Variants in TUSC3 observed in about 807,000 individuals in gnomAD.
TUSC3 encodes the protein tumor suppressor candidate 3.
In TUSC3, 45 loss-of-function variants were observed where a neutral mutation model predicts 44.8. That is an observed-to-expected ratio of 1.00 (90% confidence interval 0.79 to 1.29). TUSC3 has a LOEUF of 1.29. Among genes scored for constraint, TUSC3 ranks in the 50% most tolerant of loss-of-function variants. The probability of loss-of-function intolerance (pLI) is 0.00; values close to 1 mark genes in which losing one functional copy is unlikely to be tolerated. For missense variants in TUSC3, 519 were observed against 437.9 expected, an observed-to-expected ratio of 1.19 and a Z score of -1.65; for synonymous variants, 212 against 152.9, an observed-to-expected ratio of 1.39 and a Z score of -2.85.
At chr8:15,457,527 G>T (rs13273177) in intron 1 of TUSC3, among the ~76,000 whole-genome samples, 37,763 of 150,702 alleles carry the variant, frequency 0.25, 6,096 homozygotes, top group Non-Finnish European at 0.36. Flanking sequence ...TTTATATACT[G>T]TATGAACCAG....
Position 15,581,517 on chromosome 8 carries a change from T to C in TUSC3, c.138+40949T>C, listed in dbSNP as rs958877597. On this transcript the variant is annotated intron_variant, in intron 1 of 10. Transcript: ENST00000503731. ...TTTTGGTGTGGATGTCCTTTCTGTTTGTTAGTTTTCCTTCTAACAGACAGG... is the reference window on the plus strand; with the variant it reads ...TTTTGGTGTGGATGTCCTTTCTGTTCGTTAGTTTTCCTTCTAACAGACAGG... 4.1e-5 allele frequency among the ~76,000 whole-genome samples: 6 copies of C among 147,758 alleles called. No homozygotes were observed. In the East Asian group the frequency reaches 1.0e-3, roughly 25 times the overall value.
chr8:15,842,752 G>A, the TUSC3 span, among the ~76,000 whole-genome samples: 1 of 152,150 alleles, frequency 6.6e-6, no homozygotes, highest in African/African-American at 2.4e-5. Flanking sequence ...ACGCGAGAAG[G>A]TCCTTTGGTA....
chr8:15,462,043 T>C (rs1467566739), intron 1 of TUSC3, among the ~76,000 whole-genome samples: 1 of 152,090 alleles, frequency 6.6e-6, no homozygotes, highest in African/African-American at 2.4e-5. Flanking sequence ...ATAAGACCCC[T>C]GGATTCTGTG....
At chr8:15,474,968 A>C (rs1461653363) in intron 1 of TUSC3, among the ~76,000 whole-genome samples, 1 of 152,176 alleles carries the variant, frequency 6.6e-6, no homozygotes, top group African/African-American at 2.4e-5. Context: ...CTTCTGTGAC[A>C]CTTGCAGATG....
chr8:15,494,062 A>G (rs930556228), intron 2 of TUSC3, among the ~76,000 whole-genome samples: 1 of 152,212 alleles, frequency 6.6e-6, no homozygotes, highest in Non-Finnish European at 1.5e-5. Context: ...TTGTTCAAAA[A>G]TAACCCCACC....
intron 1 of TUSC3, among the ~76,000 whole-genome samples, chr8:15,556,156 C>A (rs1242603433): frequency 9.1e-6 from 1 of 110,280 alleles, no homozygotes; most frequent in African/African-American, 3.3e-5. Flanking sequence ...TCCCTCCCCC[C>A]TCCCCCCACC....
the TUSC3 span, among the ~76,000 whole-genome samples, chr8:15,826,514 G>C: frequency 2.0e-5 from 3 of 152,122 alleles, no homozygotes; most frequent in African/African-American, 7.2e-5. Context: ...ACCTATATAG[G>C]GGAGCTGTGT....
chr8:15,809,497 CT>C, the TUSC3 span, among the ~76,000 whole-genome samples: 11,209 of 152,174 alleles, frequency 0.074, 742 homozygotes, highest in African/African-American at 0.18. Flanking sequence ...AAGACCCCCC[CT>C]GTAGATGCCT....
downstream of TUSC3, among the ~76,000 whole-genome samples, chr8:15,770,291 A>C (rs1329737725): frequency 6.6e-6 from 1 of 152,052 alleles, no homozygotes; most frequent in Admixed American, 6.6e-5. Context: ...AACCATCCTC[A>C]GCAAACTAAC....
the TUSC3 span, among the ~76,000 whole-genome samples, chr8:15,810,718 T>G: frequency 1.3e-5 from 2 of 152,186 alleles, no homozygotes; most frequent in African/African-American, 4.8e-5. Flanking sequence ...TTGAGACGGC[T>G]GCCACATGGC....
downstream of TUSC3, among the ~76,000 whole-genome samples, chr8:15,768,365 A>G (rs961798771): frequency 1.3e-5 from 2 of 152,142 alleles, no homozygotes; most frequent in African/African-American, 4.8e-5. Context: ...GAGTTGCCAC[A>G]TTATAATGTT....
chr8:15,732,581 T>C (rs909377442), intron 7 of TUSC3, among the ~76,000 whole-genome samples: 4 of 151,772 alleles, frequency 2.6e-5, no homozygotes, highest in African/African-American at 9.7e-5. Context: ...AAAAATCATC[T>C]TCTAATAAAA....
At chr8:15,788,707 C>A in the TUSC3 span, among the ~76,000 whole-genome samples, 98,473 of 151,962 alleles carry the variant, frequency 0.65, 32,860 homozygotes, top group African/African-American at 0.79. Context: ...CCTTTTATTT[C>A]ATCAGTCTCT....
At chr8:15,642,197 T>G (rs546623659) in intron 2 of TUSC3, among the ~76,000 whole-genome samples, 1 of 152,198 alleles carries the variant, frequency 6.6e-6, no homozygotes, top group African/African-American at 2.4e-5. Context: ...AATTTTGTAG[T>G]ATCACAAGAT....
the TUSC3 span, chr8:15,806,431 GA>G: frequency 0.87 from 682,999 of 781,652 alleles, 299,223 homozygotes; most frequent in African/African-American, 0.89. Context: ...GGAAACCAGA[GA>G]AAAAAATCAC....
At chr8:15,617,070 A>G (rs17612219) in intron 1 of TUSC3, among the ~76,000 whole-genome samples, 54,703 of 150,542 alleles carry the variant, frequency 0.36, 10,186 homozygotes, top group East Asian at 0.46. Flanking sequence ...GATGTACACT[A>G]ATCCACTCAC....
At chr8:15,619,472 C>T (rs982228739) in intron 1 of TUSC3, among the ~76,000 whole-genome samples, 6 of 151,420 alleles carry the variant, frequency 4.0e-5, no homozygotes, top group African/African-American at 1.5e-4. Flanking sequence ...ATTGATTAGT[C>T]TGGAAAGAGT....
intron 1 of TUSC3, among the ~76,000 whole-genome samples, chr8:15,603,956 A>G (rs1370242845): frequency 1.3e-5 from 2 of 151,664 alleles, no homozygotes; most frequent in African/African-American, 4.8e-5. Flanking sequence ...ATGAATAATG[A>G]TAATGATTCT....
chr8:15,576,602 A>G (rs1228075394), intron 1 of TUSC3, among the ~76,000 whole-genome samples: 1 of 143,994 alleles, frequency 6.9e-6, no homozygotes, highest in Non-Finnish European at 1.5e-5. Flanking sequence ...GAGAATGATG[A>G]TTTCCAGTTT....
Sources: allele counts gnomAD v4.1 joint callset (sites outside exome capture counted in the v4.1 genomes callset), GRCh38; gene constraint gnomAD v4.1.1; transcripts MANE v1.5; gene names NCBI Gene and HGNC (gene_info 2026-07-23, HGNC 2026-07-21).